NKAP: variants seen among roughly 807,000 people sequenced by gnomAD.
The protein encoded by NKAP is NFKB activating protein, also known as NF-kappa-B-activating protein.
A neutral mutation model predicts 35.6 loss-of-function variants in NKAP; 4 were observed. That is an observed-to-expected ratio of 0.11 (90% CI 0.06 to 0.26). The LOEUF (loss-of-function observed/expected upper bound fraction) is 0.26. Ranked by LOEUF, NKAP falls within the 10% of genes least tolerant of loss-of-function variation. The pLI, the probability that NKAP is intolerant of heterozygous loss-of-function variation, is 1.00. For synonymous variants in NKAP, 106 were observed against 119.2 expected (o/e 0.89, Z 0.72); for missense variants, 238 against 321.9 (o/e 0.74, Z 1.99).
Position 119,936,346 on chromosome X carries a change from C to T in NKAP, c.624G>A (p.Lys208=), listed in dbSNP as rs764409650. The change falls in exon 4 of 9, where the codon AAG becomes AAA. Residue 208 remains lysine, a synonymous_variant. Transcript: ENST00000371410. ...AGTCACTGTCGCTATCTTCAGAATACTTCTTATGTTTTCTTTTCGATGATT... is the reference window on the plus strand; with the variant it reads ...AGTCACTGTCGCTATCTTCAGAATATTTCTTATGTTTTCTTTTCGATGATT... ...KKKSSKRKHK[K]YSEDSDSDSD... 1.9e-4 allele frequency: 226 copies of T among 1,196,236 alleles called. 1 individual carries two copies. In the South Asian group the frequency reaches 3.8e-3, roughly 20 times the overall value.
At chrX:119,939,400 C>T (rs953419054) in intron 1 of NKAP, among the ~76,000 whole-genome samples, 5 of 110,945 alleles carry the variant, frequency 4.5e-5, no homozygotes, top group Non-Finnish European at 7.6e-5. Context: ...AATTCTCCTG[C>T]CTCAGCCTCC....
At chrX:119,940,365 A>C (rs1417533028) in intron 1 of NKAP, among the ~76,000 whole-genome samples, 1 of 108,840 alleles carries the variant, frequency 9.2e-6, no homozygotes, top group Admixed American at 9.9e-5. Context: ...AAAAAAAAAA[A>C]AAAAAAAACT....
At position 119,921,072 on chromosome X, in the gene NKAP, T is replaced by TTAAGTA. The variant is rs2056686412; in HGVS notation, c.*4147_*4148insTACTTA. 8.8e-6 allele frequency: 1 copy of TTAAGTA among 113,182 alleles called. No homozygotes were observed. Among genetic ancestry groups the TTAAGTA allele is most frequent in the Non-Finnish European group, 1.9e-5 (1 of 53,988 alleles). The allele number at this position is 113,182 out of a possible 1,213,427, so 9.3% of individuals were successfully genotyped here. A position where few individuals can be genotyped will look rare whatever the true frequency, so the allele number is the denominator to read the frequency against. ...CACAGACCCCTTCATTTACTGGGAG[T>TTAAGTA]TAAGCCTCACTGCTAAATAATATAT... is the stretch of plus-strand genomic sequence containing the variant. On this transcript the variant is annotated 3_prime_UTR_variant, in exon 9 of 9. Transcript: ENST00000371410.
At chrX:119,925,931 T>TTC (rs757446212) in intron 8 of NKAP, among the ~76,000 whole-genome samples, 1,371 of 74,875 alleles carry the variant, frequency 0.018, 10 homozygotes, top group Non-Finnish European at 0.027. Flanking sequence ...CCTTTTTTCT[T>TTC]TTTTTTTTTT....
chrX:119,940,173 T>TA (rs745932763), intron 1 of NKAP, among the ~76,000 whole-genome samples: 5 of 109,294 alleles, frequency 4.6e-5, no homozygotes, highest in African/African-American at 9.9e-5. Flanking sequence ...CTGTCTCTAC[T>TA]AAAAAAAATA....
intron 8 of NKAP, among the ~76,000 whole-genome samples, chrX:119,925,929 C>CTTTTTTTT (rs1305744041): frequency 8.6e-5 from 4 of 46,384 alleles, no homozygotes; most frequent in Non-Finnish European, 1.6e-4. Context: ...ATCCTTTTTT[C>CTTTTTTTT]TTTTTTTTTT....
At position 119,936,652 on chromosome X, in the gene NKAP, T is replaced by A; in HGVS notation, c.498A>T (p.Glu166Asp). 8.5e-7 allele frequency: 1 copy of A among 1,181,850 alleles called. No homozygotes were observed. The highest frequency in any genetic ancestry group is 2.4e-4 in the Middle Eastern group (1 of 4,155). The change falls in exon 3 of 9, where the codon GAA becomes GAT. Residue 166 changes from glutamate (E) to aspartate (D), a missense_variant. Physicochemically the swap from Glu to Asp is conservative, Grantham distance 45 (BLOSUM62 2). Coordinates refer to ENST00000371410, the MANE Select transcript of NKAP (RefSeq NM_024528.4). Reference sequence around the variant, plus strand: ...CTGAAGTAGTGCTTTTCTTTGGCTCTTCATCCTCCACTGGTGTATGTTCAT... The same window carrying A: ...CTGAAGTAGTGCTTTTCTTTGGCTCATCATCCTCCACTGGTGTATGTTCAT... ...DSDEHTPVED[E>D]EPKKSTTSAS...
chrX:119,939,107 T>C (rs907706120), intron 1 of NKAP, among the ~76,000 whole-genome samples: 5 of 112,052 alleles, frequency 4.5e-5, no homozygotes, highest in Non-Finnish European at 9.4e-5. Context: ...CAGAAACAGC[T>C]TCACATTTGT....
intron 7 of NKAP, among the ~76,000 whole-genome samples, chrX:119,931,187 A>AAAAAC (rs1386970904): frequency 1.8e-5 from 2 of 109,415 alleles, no homozygotes; most frequent in Non-Finnish European, 3.8e-5. Flanking sequence ...TCCATCTCAA[A>AAAAAC]AAAACAAAAC....
chrX:119,930,415 C>G (rs1250383728), intron 7 of NKAP, among the ~76,000 whole-genome samples: 1 of 112,351 alleles, frequency 8.9e-6, no homozygotes, highest in African/African-American at 3.2e-5. Context: ...AAGAAAAGAA[C>G]TGCTGTGAGT....
chrX:119,920,832 G>T lies in NKAP; in HGVS notation c.*4388C>A. The T allele has an allele frequency of 4.1e-6, 1 of 242,315 alleles. No homozygotes were observed. The highest frequency in any genetic ancestry group is 7.4e-6 in the Non-Finnish European group (1 of 134,979). The allele number at this position is 242,315 out of a possible 1,213,427, so 20.0% of individuals were successfully genotyped here. A position where few individuals can be genotyped will look rare whatever the true frequency, so the allele number is the denominator to read the frequency against. ...AAAGTATTTTTTTCTATCACTATAT[G>T]TATCACTTCTGAGTCTTACAGGTAT... On this transcript the variant is annotated 3_prime_UTR_variant, in exon 9 of 9. Coordinates refer to ENST00000371410, the MANE Select transcript of NKAP (RefSeq NM_024528.4).
intron 1 of NKAP, among the ~76,000 whole-genome samples, chrX:119,939,247 C>G (rs760042542): frequency 6.4e-4 from 72 of 112,072 alleles, no homozygotes; most frequent in Non-Finnish European, 1.2e-3. Flanking sequence ...ACGTAGAAAA[C>G]AACTGAAGTT....
chrX:119,943,696 G>T lies in NKAP; in HGVS notation c.-91C>A. On this transcript the variant is annotated 5_prime_UTR_variant, in exon 1 of 9. Transcript: ENST00000371410. ...GTTGCCTTGGTTCCCGGGACCTGCC[G>T]CTGCGGAACAGCCCAAATCTGAGGA... 1 of 1,008,435 alleles carries T rather than the reference G, an allele frequency of 9.9e-7. No homozygotes were observed. The highest frequency in any genetic ancestry group is 1.3e-6 in the Non-Finnish European group (1 of 762,267). The allele number at this position is 1,008,435 out of a possible 1,213,427, so 83.1% of individuals were successfully genotyped here. A position where few individuals can be genotyped will look rare whatever the true frequency, so the allele number is the denominator to read the frequency against.
intron 1 of NKAP, among the ~76,000 whole-genome samples, chrX:119,939,372 C>T (rs973516896): frequency 9.0e-6 from 1 of 111,425 alleles, no homozygotes; most frequent in Non-Finnish European, 1.9e-5. Context: ...CTGCAACCTC[C>T]GCCTCCTGGG....
At position 119,936,645 on chromosome X, in the gene NKAP, T is replaced by G; in HGVS notation, c.505A>C (p.Lys169Gln). 1.7e-6 allele frequency: 2 copies of G among 1,184,080 alleles called. No homozygotes were observed. The highest frequency in any genetic ancestry group is 2.3e-6 in the Non-Finnish European group (2 of 883,957). Residue 169 changes from lysine to glutamine, a missense_variant, in exon 3 of 9, where the codon AAG becomes CAG. Transcript: ENST00000371410. ...GTAGAAGCTGAAGTAGTGCTTTTCTTTGGCTCTTCATCCTCCACTGGTGTA... is the reference window on the plus strand; with the variant it reads ...GTAGAAGCTGAAGTAGTGCTTTTCTGTGGCTCTTCATCCTCCACTGGTGTA... The part of the protein sequence containing the change: ...EHTPVEDEEP[K>Q]KSTTSASTSE...
In NKAP at chrX:119,937,911, T is replaced by C. The variant is rs2056774481; in HGVS notation, c.467+819A>G. On this transcript the variant is annotated intron_variant, in intron 2 of 8. Transcript: ENST00000371410. Reference sequence around the variant, plus strand: ...TCCAATCACAAATTACAGGTTTACCTGTCAAGCACATTGTCTCAACTCAAC... The same window carrying C: ...TCCAATCACAAATTACAGGTTTACCCGTCAAGCACATTGTCTCAACTCAAC... The C allele has an allele frequency of 1.8e-5, 2 of 111,703 alleles. 1 individual carries two copies. The highest frequency in any genetic ancestry group is 1.9e-4 in the Admixed American group (2 of 10,440). 9.2% of individuals were successfully genotyped at this position (111,703 alleles called of 1,213,427 possible).
intron 8 of NKAP, among the ~76,000 whole-genome samples, chrX:119,927,061 CAAAAAAAAAAAAA>C (rs757523569): frequency 2.4e-3 from 81 of 33,288 alleles, no homozygotes; most frequent in African/African-American, 8.5e-3. Flanking sequence ...AACTAGGTCT[CAAAAAAAAAAAAA>C]AAAAAAAAAG....
intron 1 of NKAP, among the ~76,000 whole-genome samples, chrX:119,940,146 G>A (rs2056785777): frequency 9.1e-6 from 1 of 110,430 alleles, no homozygotes; most frequent in South Asian, 3.8e-4. Flanking sequence ...GATCAGCCTG[G>A]CCAACATGGT....
At chrX:119,932,264 A>G (rs977765903) in intron 5 of NKAP, 48 bp from the exon 6 acceptor site, 4 of 898,438 alleles carry the variant, frequency 4.5e-6, no homozygotes, top group Non-Finnish European at 6.2e-6. Flanking sequence ...TTCCTATGTT[A>G]GAGGGCATCT....
Sources: gnomAD v4.1 joint callset for allele counts (sites outside exome capture counted in the v4.1 genomes callset) on GRCh38, gnomAD v4.1.1 for gene constraint, MANE v1.5 for transcripts, NCBI Gene and HGNC (gene_info 2026-07-23, HGNC 2026-07-21) for gene names.